UBE2E2: variants seen among roughly 807,000 people sequenced by gnomAD.
UBE2E2 encodes ubiquitin conjugating enzyme E2 E2.
In UBE2E2, 6 loss-of-function variants were observed where a neutral mutation model predicts 24.7. That is an observed-to-expected ratio of 0.24 (90% CI 0.13 to 0.48). The LOEUF is 0.48. Ranked by LOEUF, UBE2E2 falls within the 20% of genes least tolerant of loss-of-function variation. UBE2E2 has a pLI of 0.99. For synonymous variants in UBE2E2, 104 were observed against 83.6 expected (o/e 1.24, Z -1.33); for missense variants, 169 against 245.0 (o/e 0.69, Z 2.07).
intron 3 of UBE2E2, among the ~76,000 whole-genome samples, chr3:23,233,966 G>C (rs1034768561): frequency 6.6e-6 from 1 of 151,928 alleles, no homozygotes; most frequent in Non-Finnish European, 1.5e-5. Context: ...TAAAATGTTT[G>C]GTAAATATTT....
chr3:23,386,398 A>G (rs1456630645), intron 3 of UBE2E2, among the ~76,000 whole-genome samples: 1 of 152,172 alleles, frequency 6.6e-6, no homozygotes, highest in African/African-American at 2.4e-5. Context: ...GAATGCAATC[A>G]GGTTGGGGGT....
intron 3 of UBE2E2, among the ~76,000 whole-genome samples, chr3:23,441,988 A>C (rs886130114): frequency 3.3e-5 from 5 of 152,148 alleles, no homozygotes; most frequent in Admixed American, 1.3e-4. Flanking sequence ...GAAGTTCCCT[A>C]GTGTTCATAT....
chr3:23,233,566 A>G (rs1322589563), intron 3 of UBE2E2, among the ~76,000 whole-genome samples: 1 of 152,156 alleles, frequency 6.6e-6, no homozygotes, highest in South Asian at 2.1e-4. Context: ...AACCTTATGC[A>G]TTTTACTCTA....
intron 3 of UBE2E2, among the ~76,000 whole-genome samples, chr3:23,301,207 T>G (rs572444468): frequency 6.6e-6 from 1 of 152,280 alleles, no homozygotes; most frequent in Non-Finnish European, 1.5e-5. Context: ...CAAAGCTTTT[T>G]ACTTCTTTGC....
At chr3:23,446,926 C>G (rs548000317) in intron 3 of UBE2E2, among the ~76,000 whole-genome samples, 3 of 151,958 alleles carry the variant, frequency 2.0e-5, no homozygotes, top group African/African-American at 7.3e-5. Flanking sequence ...GTTTAGAACT[C>G]AATTGTAATA....
chr3:23,262,800 A>T (rs979554250), intron 3 of UBE2E2, among the ~76,000 whole-genome samples: 1 of 152,032 alleles, frequency 6.6e-6, no homozygotes, highest in East Asian at 1.9e-4. Flanking sequence ...TTTGTTGCAC[A>T]TGCTTTTGGT....
At position 23,589,049 on chromosome 3, in the gene UBE2E2, G is replaced by A. The variant is rs547148923; in HGVS notation, c.509-685G>A. Among the ~76,000 whole-genome samples the A allele has an allele frequency of 2.6e-5, 4 of 152,046 alleles. No homozygotes were observed. The highest frequency in any genetic ancestry group is 2.1e-4 in the South Asian group (1 of 4,814). ...CCTAGGGTAAGGAGTTGTCCAGACC[G>A]CCAAACGTCTTCCCAGGAGAGCTCA... On this transcript the variant is annotated intron_variant, in intron 5 of 5. Coordinates refer to ENST00000396703, the MANE Select transcript of UBE2E2 (RefSeq NM_152653.4). This position sits in a 1 kb window ranked among gnomAD's most constrained non-coding sequence, Gnocchi z 4.1.
intron 3 of UBE2E2, among the ~76,000 whole-genome samples, chr3:23,257,255 C>T (rs1468126454): frequency 6.6e-6 from 1 of 152,162 alleles, no homozygotes; most frequent in Non-Finnish European, 1.5e-5. Flanking sequence ...GCACATGGCT[C>T]AGGCTAAGAT....
At chr3:23,446,248 C>G (rs1020158007) in intron 3 of UBE2E2, among the ~76,000 whole-genome samples, 1 of 152,180 alleles carries the variant, frequency 6.6e-6, no homozygotes, top group Non-Finnish European at 1.5e-5. Flanking sequence ...TTGAGAGATG[C>G]AAAAACTTGT....
chr3:23,372,110 C>A (rs1196521660), intron 3 of UBE2E2, among the ~76,000 whole-genome samples: 1 of 151,782 alleles, frequency 6.6e-6, no homozygotes, highest in Non-Finnish European at 1.5e-5. Flanking sequence ...GAGTGAGACT[C>A]CGCCTCAAAA....
chr3:23,439,678 C>G (rs1462614240), intron 3 of UBE2E2, among the ~76,000 whole-genome samples: 3 of 152,132 alleles, frequency 2.0e-5, no homozygotes, highest in African/African-American at 4.8e-5. Context: ...GAACCCACAT[C>G]TTATAACAAT....
At chr3:23,496,933 A>G (rs1699614206) in intron 3 of UBE2E2, among the ~76,000 whole-genome samples, 1 of 152,226 alleles carries the variant, frequency 6.6e-6, no homozygotes, top group African/African-American at 2.4e-5. Context: ...TTTTGACAAG[A>G]AGCCTTACTC....
At chr3:23,323,890 A>C (rs183932427) in intron 3 of UBE2E2, among the ~76,000 whole-genome samples, 1 of 152,236 alleles carries the variant, frequency 6.6e-6, no homozygotes, top group African/African-American at 2.4e-5. Flanking sequence ...GCCATGATTG[A>C]TTATTGAGCT....
At chr3:23,533,822 C>T (rs908509875) in intron 5 of UBE2E2, among the ~76,000 whole-genome samples, 2 of 151,846 alleles carry the variant, frequency 1.3e-5, no homozygotes, top group African/African-American at 4.8e-5. Context: ...GGGGTTTCAC[C>T]GTGTTGGCCA....
intron 5 of UBE2E2, among the ~76,000 whole-genome samples, chr3:23,534,568 A>G (rs1248489410): frequency 6.6e-6 from 1 of 152,224 alleles, no homozygotes; most frequent in Non-Finnish European, 1.5e-5. Context: ...ACTTTTTAAC[A>G]CATAAAAATA....
intron 3 of UBE2E2, among the ~76,000 whole-genome samples, chr3:23,406,802 C>T (rs910532371): frequency 6.6e-5 from 10 of 152,242 alleles, no homozygotes; most frequent in African/African-American, 1.7e-4. Context: ...CATATCCAGC[C>T]GTGTTGGAGA....
chr3:23,266,016 C>A (rs1270233342), intron 3 of UBE2E2, among the ~76,000 whole-genome samples: 2 of 152,106 alleles, frequency 1.3e-5, no homozygotes, highest in Non-Finnish European at 2.9e-5. Flanking sequence ...TTCCTCCATC[C>A]TTTTATTTTG....
Position 23,312,976 on chromosome 3 carries a change from G to C in UBE2E2, c.227+95664G>C, listed in dbSNP as rs139726852. On this transcript the variant is annotated intron_variant, in intron 3 of 5. Coordinates refer to ENST00000396703, the MANE Select transcript of UBE2E2 (RefSeq NM_152653.4). ...AGATACCTGATACTATTTCTTTTTT[G>C]GTGGAGAATGTTTTGAGAATTGTTT... is the stretch of plus-strand genomic sequence containing the variant. Among the ~76,000 whole-genome samples the C allele has an allele frequency of 4.7e-4, 72 of 151,916 alleles. No individual in the cohort carries two copies. The Middle Eastern group carries it at 0.01, about 22-fold the overall frequency.
At chr3:23,523,121 C>CTAAA (rs1694906698) in intron 4 of UBE2E2, among the ~76,000 whole-genome samples, 1 of 152,068 alleles carries the variant, frequency 6.6e-6, no homozygotes, top group Non-Finnish European at 1.5e-5. Flanking sequence ...AACCAGTGAA[C>CTAAA]TTTATTCATT....
Sources: gnomAD v4.1 joint callset for allele counts (sites outside exome capture counted in the v4.1 genomes callset) on GRCh38, gnomAD v4.1.1 for gene constraint, Gnocchi (gnomAD v3.1) non-coding constraint, MANE v1.5 for transcripts, NCBI Gene and HGNC (gene_info 2026-07-23, HGNC 2026-07-21) for gene names.